The following TMPRSS15 variants were observed in gnomAD, a reference collection of about 807,000 sequenced individuals.
TMPRSS15 encodes the protein transmembrane serine protease 15.
TMPRSS15 carries 128 observed loss-of-function variants against 125.3 expected under a neutral mutation model. The ratio of observed to expected loss-of-function variants is 1.02; its 90% confidence interval spans 0.89 to 1.18. TMPRSS15 has a LOEUF of 1.18. TMPRSS15 is among the 50% of genes most tolerant of loss of function. The pLI, the probability that TMPRSS15 is intolerant of heterozygous loss-of-function variation, is 0.00. For missense variants in TMPRSS15, 1,283 were observed against 1,212.7 expected (o/e 1.06, Z -0.86); for synonymous variants, 446 against 423.2 (o/e 1.05, Z -0.66).
chr21:18,451,984 CT>C (rs1215751225), intron 1 of TMPRSS15, among the ~76,000 whole-genome samples: 1 of 151,766 alleles, frequency 6.6e-6, no homozygotes, highest in African/African-American at 2.4e-5. Flanking sequence ...GTGATTCTTG[CT>C]TCCAGTTGAT....
At chr21:18,314,584 A>G (rs1021982609) in intron 17 of TMPRSS15, among the ~76,000 whole-genome samples, 1 of 151,914 alleles carries the variant, frequency 6.6e-6, no homozygotes, top group Non-Finnish European at 1.5e-5. Flanking sequence ...GACCAGCTAT[A>G]CCTAATTCTT....
chr21:18,474,146 C>T (rs1030923888), intron 1 of TMPRSS15, among the ~76,000 whole-genome samples: 6 of 151,832 alleles, frequency 4.0e-5, no homozygotes, highest in Non-Finnish European at 8.8e-5. Flanking sequence ...TATATATATA[C>T]CCATATATCT....
intron 18 of TMPRSS15, among the ~76,000 whole-genome samples, chr21:18,305,984 C>G (rs548663819): frequency 6.6e-6 from 1 of 152,126 alleles, no homozygotes; most frequent in African/African-American, 2.4e-5. Context: ...TCTCACCCAC[C>G]CCACCACAGT....
intron 5 of TMPRSS15, among the ~76,000 whole-genome samples, chr21:18,375,464 A>G (rs1467770868): frequency 6.6e-6 from 1 of 152,162 alleles, no homozygotes; most frequent in Non-Finnish European, 1.5e-5. Context: ...TCTGTACCAA[A>G]TTGTGTTCCC....
At chr21:18,330,965 C>A (rs373263598) in intron 14 of TMPRSS15, among the ~76,000 whole-genome samples, 2 of 149,782 alleles carry the variant, frequency 1.3e-5, no homozygotes, top group South Asian at 2.1e-4. Context: ...CCCAGCTACT[C>A]GGGAGGCCAA....
intron 1 of TMPRSS15, among the ~76,000 whole-genome samples, chr21:18,439,584 C>G (rs1045290651): frequency 6.6e-6 from 1 of 152,052 alleles, no homozygotes. Context: ...TAGCATTGGT[C>G]ATCGTGTTTT....
intron 1 of TMPRSS15, among the ~76,000 whole-genome samples, chr21:18,464,716 G>T (rs2122954834): frequency 6.6e-6 from 1 of 152,246 alleles, no homozygotes; most frequent in East Asian, 1.9e-4. Flanking sequence ...CCAGGAAGAA[G>T]TCAAATCCCT....
At chr21:18,367,376 G>A (rs940225261) in intron 6 of TMPRSS15, among the ~76,000 whole-genome samples, 2 of 152,134 alleles carry the variant, frequency 1.3e-5, no homozygotes, top group African/African-American at 4.8e-5. Context: ...TTAATGACTT[G>A]CTAAATAATT....
chr21:18,455,254 T>C (rs2123263637), intron 1 of TMPRSS15, among the ~76,000 whole-genome samples: 1 of 152,290 alleles, frequency 6.6e-6, no homozygotes, highest in African/African-American at 2.4e-5. Flanking sequence ...GTCTTGGGTA[T>C]GTTTTTATTA....
chr21:18,367,636 A>G (rs1019219039), intron 6 of TMPRSS15, among the ~76,000 whole-genome samples: 1 of 152,228 alleles, frequency 6.6e-6, no homozygotes, highest in Admixed American at 6.5e-5. Flanking sequence ...GAGTTACAAT[A>G]CTTAGGAAGC....
chr21:18,454,861 G>T (rs1052724978), intron 1 of TMPRSS15, among the ~76,000 whole-genome samples: 2 of 152,020 alleles, frequency 1.3e-5, no homozygotes, highest in African/African-American at 2.4e-5. Context: ...AAATAATATT[G>T]TATTAGCTAT....
chr21:18,342,286 T>C (rs2075455224), intron 12 of TMPRSS15, among the ~76,000 whole-genome samples: 2 of 152,248 alleles, frequency 1.3e-5, no homozygotes, highest in South Asian at 4.1e-4. Flanking sequence ...GCACATGGTA[T>C]ACATTGATCT....
At chr21:18,474,295 A>AT (rs67852303) in intron 1 of TMPRSS15, among the ~76,000 whole-genome samples, 2,455 of 144,698 alleles carry the variant, frequency 0.017, 22 homozygotes, top group Admixed American at 0.022. Flanking sequence ...ACATTTTGCT[A>AT]TTTTTTTTTT....
intron 1 of TMPRSS15, among the ~76,000 whole-genome samples, chr21:18,438,828 A>G (rs2076235069): frequency 6.6e-6 from 1 of 152,212 alleles, no homozygotes; most frequent in South Asian, 2.1e-4. Context: ...TCTGTTAGAC[A>G]TGACTGTATA....
intron 14 of TMPRSS15, 30 bp from the exon 15 acceptor site, chr21:18,329,324 G>C: frequency 6.3e-7 from 1 of 1,597,258 alleles, no homozygotes; most frequent in Non-Finnish European, 8.5e-7. Context: ...ATTTAATTTG[G>C]AACACACTTG....
rs1368395857 is a variant in TMPRSS15, at chr21:18,353,826, A to T, written c.918T>A (p.Ile306=). ...IWETNPGTIR[I]FSNQVTATFL... ...AGGTGGCAGTAACTTGGTTGGAAAAAATTCTTATTGTGCCAGGATTAGTTT... is the reference window on the plus strand; with the variant it reads ...AGGTGGCAGTAACTTGGTTGGAAAATATTCTTATTGTGCCAGGATTAGTTT... Residue 306 remains isoleucine, a synonymous_variant, in exon 9 of 25, where the codon ATT becomes ATA. Coordinates refer to ENST00000284885, the MANE Select transcript of TMPRSS15 (RefSeq NM_002772.3). The T allele has an allele frequency of 8.1e-6, 13 of 1,611,728 alleles. No individual in the cohort carries two copies. The East Asian group carries it at 2.7e-4, about 33-fold the overall frequency.
At chr21:18,394,845 C>T (rs1299356391) in intron 3 of TMPRSS15, among the ~76,000 whole-genome samples, 2 of 152,268 alleles carry the variant, frequency 1.3e-5, no homozygotes, top group African/African-American at 2.4e-5. Context: ...TTTCTCCACT[C>T]GTTTAACTCA....
intron 1 of TMPRSS15, among the ~76,000 whole-genome samples, chr21:18,432,856 T>A (rs2076219102): frequency 6.6e-6 from 1 of 152,162 alleles, no homozygotes; most frequent in Non-Finnish European, 1.5e-5. Flanking sequence ...TGGGAAACAG[T>A]AAAATTCTTC....
rs11088674 is a variant in TMPRSS15, at chr21:18,315,200, T to G, written c.1978A>C (p.Asn660His). The G allele has an allele frequency of 0.01, 16,695 of 1,613,866 alleles. 1,524 individuals carry two copies. The African/African-American group carries it at 0.19, about 19-fold the overall frequency. The change falls in exon 17 of 25, where the codon AAT becomes CAT. Residue 660 changes from asparagine to histidine, a missense_variant. Transcript: ENST00000284885. ...CAGTGCAGATGACCGTCACAGAGATTCACCAGTGGAACACACTCTCCATTT... is the reference window on the plus strand; with the variant it reads ...CAGTGCAGATGACCGTCACAGAGATGCACCAGTGGAACACACTCTCCATTT... ...CKNGECVPLVNLCDGHLHCED... is the reference protein window; with the variant it reads ...CKNGECVPLVHLCDGHLHCED...
Sources: gnomAD v4.1 joint callset for allele counts (sites outside exome capture counted in the v4.1 genomes callset) on GRCh38, gnomAD v4.1.1 for gene constraint, MANE v1.5 for transcripts, NCBI Gene and HGNC (gene_info 2026-07-23, HGNC 2026-07-21) for gene names.